The following CENPF variants were observed in gnomAD, a reference collection of about 807,000 sequenced individuals.
CENPF encodes AH antigen.
A neutral mutation model predicts 307.3 loss-of-function variants in CENPF; 214 were observed. The ratio of observed to expected loss-of-function variants is 0.70; its 90% CI spans 0.62 to 0.78. The LOEUF (loss-of-function observed/expected upper bound fraction) is 0.78, where lower values mean the gene tolerates loss of function less well. CENPF is among the 30% of genes least tolerant of loss of function. The pLI is 0.00. For missense variants in CENPF, 3,401 were observed against 3,483.9 expected, an observed-to-expected ratio of 0.98 and a Z score of 0.60; for synonymous variants, 1,259 against 1,270.6, an observed-to-expected ratio of 0.99 and a Z score of 0.19.
chr1:214,607,842 C>T (rs1174948482), intron 1 of CENPF, among the ~76,000 whole-genome samples: 1 of 152,196 alleles, frequency 6.6e-6, no homozygotes, highest in East Asian at 1.9e-4. Flanking sequence ...GCACCTGACC[C>T]TGCAGGCCCT....
In CENPF at chr1:214,645,860, T is replaced by C; in HGVS notation, c.6290T>C (p.Leu2097Pro). The C allele has an allele frequency of 3.1e-6, 5 of 1,614,072 alleles. No homozygotes were observed. The highest frequency in any genetic ancestry group is 4.5e-5 in the East Asian group (2 of 44,866). Residue 2097 changes from leucine to proline, a missense_variant, in exon 13 of 20, where the codon CTG (leucine) becomes CCG (proline). Leu to Pro is a moderately conservative substitution (Grantham distance 98, BLOSUM62 -3). Transcript: ENST00000366955. Reference sequence around the variant, plus strand: ...GTCTCCAAGGCCTTGGAGGCCGCACTGGTGGAGAAAGGTGAGTTCGCATTG... The same window carrying C: ...GTCTCCAAGGCCTTGGAGGCCGCACCGGTGGAGAAAGGTGAGTTCGCATTG... ...LNVSKALEAA[L>P]VEKGEFALRL...
chr1:214,610,054 T>A (rs1035355267), intron 1 of CENPF, among the ~76,000 whole-genome samples: 2 of 151,190 alleles, frequency 1.3e-5, no homozygotes, highest in African/African-American at 4.9e-5. Flanking sequence ...TAAGGGATTT[T>A]GCCATGTTGC....
At chr1:214,643,396 A>G in intron 12 of CENPF, 72 bp downstream of exon 12, 4 of 1,238,456 alleles carry the variant, frequency 3.2e-6, no homozygotes, top group Non-Finnish European at 4.2e-6. Context: ...TGTTTGTCTA[A>G]TTGAAATGTA....
chr1:214,616,397 C>T (rs1657337540), intron 3 of CENPF, among the ~76,000 whole-genome samples: 1 of 152,128 alleles, frequency 6.6e-6, no homozygotes, highest in African/African-American at 2.4e-5. Context: ...AATCTGTAGA[C>T]CTGCAACGTC....
rs773607844 is a variant in CENPF, at chr1:214,642,190, C to T, written c.3852C>T (p.Asn1284=). 8.1e-6 allele frequency: 13 copies of T among 1,614,102 alleles called. No individual in the cohort carries two copies. Among genetic ancestry groups the T allele is most frequent in the South Asian group, 3.3e-5 (3 of 91,082 alleles). Residue 1284 remains asparagine (N), a synonymous_variant, in exon 12 of 20, where the codon AAC becomes AAT. Coordinates refer to ENST00000366955, the MANE Select transcript of CENPF (RefSeq NM_016343.4). ...SGPHELSTSQ[N]DNAHLQCSLQ... ...CTCATGAGTTGTCAACAAGTCAAAA[C>T]GACAATGCACACCTTCAGTGCTCTC...
intron 1 of CENPF, among the ~76,000 whole-genome samples, chr1:214,611,859 A>G (rs576305898): frequency 3.9e-5 from 6 of 152,316 alleles, no homozygotes; most frequent in South Asian, 2.1e-4. Context: ...GAAGTTGTTT[A>G]TCAACTGAAG....
In CENPF at chr1:214,645,593, A is replaced by T; in HGVS notation, c.6023A>T (p.Glu2008Val). Residue 2008 changes from glutamate (E) to valine (V), a missense_variant, in exon 13 of 20, where the codon GAG becomes GTG. Transcript: ENST00000366955. ...CATTGCATTCAGGTGGCAGAGGCAG[A>T]GGTGAAGGAAAAGACGGAACTCCTT... ...CLHCIQVAEAEVKEKTELLQT... is the reference protein window; with the variant it reads ...CLHCIQVAEAVVKEKTELLQT... 6.2e-7 allele frequency: 1 copy of T among 1,614,180 alleles called. No homozygotes were observed. Among genetic ancestry groups the T allele is most frequent in the Non-Finnish European group, 8.5e-7 (1 of 1,180,030 alleles).
Position 214,642,877 on chromosome 1 carries a change from AGG to A in CENPF, c.4542_4543del (p.Ala1515CysfsTer10), listed in dbSNP as rs769306211. On this transcript the variant is annotated frameshift_variant, in exon 12 of 20. Transcript: ENST00000366955. LOFTEE classifies it high-confidence loss of function. ...GDMSLLSNLE[G>X]AVSANQCSVD... ...ATATGTCTCTTTTGAGTAATTTAGA[AGG>A]GGCTGTTTCAGCAAACCAGTGCAGT... 2.2e-5 allele frequency: 36 copies of A among 1,614,064 alleles called. No individual in the cohort carries two copies. The highest frequency in any genetic ancestry group is 2.9e-5 in the Non-Finnish European group (34 of 1,180,008).
At chr1:214,605,620 G>T (rs1263419953) in intron 1 of CENPF, 2 of 1,440,184 alleles carry the variant, frequency 1.4e-6, no homozygotes, top group Non-Finnish European at 9.4e-7. Context: ...GGGCCGGCGC[G>T]GGGTGAGGTC....
At chr1:214,643,655 A>G (rs952157553) in intron 12 of CENPF, among the ~76,000 whole-genome samples, 30 of 152,144 alleles carry the variant, frequency 2.0e-4, no homozygotes, top group African/African-American at 6.3e-4. Flanking sequence ...TTAATAAAGT[A>G]TACTGAAATA....
intron 15 of CENPF, 48 bp downstream of exon 15, chr1:214,651,934 A>C: frequency 6.7e-7 from 1 of 1,487,568 alleles, no homozygotes; most frequent in Non-Finnish European, 9.0e-7. Flanking sequence ...GTGTATTTTG[A>C]TCATGGTAAG....
intron 10 of CENPF, among the ~76,000 whole-genome samples, chr1:214,635,984 T>TA (rs1048905415): frequency 3.3e-5 from 5 of 152,144 alleles, no homozygotes; most frequent in African/African-American, 1.2e-4. Context: ...TTGATTTGAT[T>TA]AAAAAATTTT....
chr1:214,618,539 T>C (rs1571698519), intron 3 of CENPF, 34 bp from the exon 4 acceptor site: 1 of 1,610,448 alleles, frequency 6.2e-7, no homozygotes, highest in East Asian at 2.2e-5. Context: ...TTGCTCTAAC[T>C]GATTTGTCTG....
In CENPF at chr1:214,614,836, A is replaced by G. The variant is rs776867260; in HGVS notation, c.167A>G (p.Glu56Gly). ...CTTCTGAACAATTCTCATTAGGTTG[A>G]AAATGAAAAAACCGAGGGTACAAAC... ...AALQKQKQKV[E>G]NEKTEGTNLK... Residue 56 changes from glutamate to glycine, a missense_variant, in exon 3 of 20, where the codon GAA becomes GGA. Transcript: ENST00000366955. The G allele has an allele frequency of 6.4e-7, 1 of 1,571,578 alleles. No individual in the cohort carries two copies. Among genetic ancestry groups the G allele is most frequent in the Non-Finnish European group, 8.6e-7 (1 of 1,162,144 alleles).
At position 214,641,641 on chromosome 1, in the gene CENPF, A is replaced by C; in HGVS notation, c.3303A>C (p.Leu1101=). 1 of 1,569,376 alleles carries C rather than the reference A, an allele frequency of 6.4e-7. No homozygotes were observed. Among genetic ancestry groups the C allele is most frequent in the African/African-American group, 1.4e-5 (1 of 72,690 alleles). The change falls in exon 12 of 20, where the codon CTA becomes CTC. Residue 1101 remains leucine, a synonymous_variant. Coordinates refer to ENST00000366955, the MANE Select transcript of CENPF (RefSeq NM_016343.4). ...AAGAAAGAAATCAGAATCTGATGCT[A>C]GAGTTGGAGACAGTGCAGCAAGCTC... ...FAEERNQNLM[L]ELETVQQALR... is the part of the protein sequence containing the mutation.
At chr1:214,637,791 A>G in intron 10 of CENPF, 75 bp from the exon 11 acceptor site, 2 of 1,449,498 alleles carry the variant, frequency 1.4e-6, no homozygotes, top group Non-Finnish European at 1.9e-6. Flanking sequence ...TCTGCTAGGG[A>G]CCTTTATTAA....
intron 15 of CENPF, 116 bp downstream of exon 15, chr1:214,652,002 C>T: frequency 1.3e-6 from 1 of 764,902 alleles, no homozygotes; most frequent in Non-Finnish European, 1.9e-6. Flanking sequence ...GCTATATAAT[C>T]TTTTAAAAGG....
intron 1 of CENPF, 110 bp from the exon 2 acceptor site, chr1:214,613,604 A>C: frequency 1.4e-6 from 1 of 705,122 alleles, no homozygotes; most frequent in East Asian, 2.8e-5. Flanking sequence ...TATCTTTTGA[A>C]ATGTGGTCTT....
Position 214,648,791 on chromosome 1 carries a change from G to A in CENPF, c.7947G>A (p.Glu2649=). The part of the protein sequence containing the change: ...LSGEKNRLAG[E]LQLLLEEIKS... ...GAGAGAAAAATAGGCTAGCTGGAGA[G>A]TTGCAGTTACTGTTGGAAGAAATAA... is the stretch of plus-strand genomic sequence containing the variant. The change falls in exon 14 of 20, where the codon GAG becomes GAA. Residue 2649 remains glutamate, a synonymous_variant. Coordinates refer to ENST00000366955, the MANE Select transcript of CENPF (RefSeq NM_016343.4). 6.2e-7 allele frequency: 1 copy of A among 1,613,988 alleles called. No individual in the cohort carries two copies. The highest frequency in any genetic ancestry group is 8.5e-7 in the Non-Finnish European group (1 of 1,179,928).
Sources: allele counts gnomAD v4.1 joint callset (sites outside exome capture counted in the v4.1 genomes callset), GRCh38; gene constraint gnomAD v4.1.1; transcripts MANE v1.5; gene names NCBI Gene and HGNC (gene_info 2026-07-23, HGNC 2026-07-21).